The following DOCK3 variants were observed in gnomAD, a reference collection of about 807,000 sequenced individuals.
DOCK3 encodes the protein dedicator of cytokinesis protein 3.
Under a neutral mutation model 265.6 loss-of-function variants are expected in DOCK3, and 60 were observed. That is an observed-to-expected ratio of 0.23 (90% CI 0.18 to 0.28). The LOEUF (loss-of-function observed/expected upper bound fraction) is 0.28, where lower values mean the gene tolerates loss of function less well. Ranked by LOEUF, DOCK3 falls within the 10% of genes least tolerant of loss-of-function variation. DOCK3 has a pLI of 1.00. For synonymous variants in DOCK3, 881 were observed against 938.0 expected, an observed-to-expected ratio of 0.94 and a Z score of 1.11; for missense variants, 1,981 against 2,594.3, an observed-to-expected ratio of 0.76 and a Z score of 5.14.
At chr3:51,185,291 G>C (rs1446957380) in intron 12 of DOCK3, among the ~76,000 whole-genome samples, 1 of 152,134 alleles carries the variant, frequency 6.6e-6, no homozygotes, top group Non-Finnish European at 1.5e-5. Flanking sequence ...TTGGGTGCAG[G>C]ATATGTGGGA....
At chr3:51,319,416 C>T (rs77755628) in intron 32 of DOCK3, among the ~76,000 whole-genome samples, 23 of 147,528 alleles carry the variant, frequency 1.6e-4, no homozygotes, top group Non-Finnish European at 2.8e-4. Context: ...AAAAAAAACC[C>T]AGTTACCAAG....
chr3:51,234,112 G>C (rs887429419), intron 19 of DOCK3, among the ~76,000 whole-genome samples: 4 of 152,148 alleles, frequency 2.6e-5, no homozygotes, highest in African/African-American at 9.7e-5. Flanking sequence ...CTCATCAACA[G>C]TGCATAAGAA....
intron 13 of DOCK3, among the ~76,000 whole-genome samples, chr3:51,211,441 A>C (rs901153284): frequency 1.2e-4 from 18 of 152,008 alleles, no homozygotes; most frequent in Non-Finnish European, 1.2e-4. Context: ...ATATGTATAC[A>C]TGTGCCATGT....
At chr3:51,349,996 T>A (rs1021209853) in intron 39 of DOCK3, among the ~76,000 whole-genome samples, 1 of 152,074 alleles carries the variant, frequency 6.6e-6, no homozygotes. Context: ...TAAGCCCAGA[T>A]CTCTATAGGG....
At chr3:51,092,649 C>T (rs1405186021) in intron 9 of DOCK3, among the ~76,000 whole-genome samples, 2 of 151,644 alleles carry the variant, frequency 1.3e-5, no homozygotes, top group Admixed American at 6.6e-5. Context: ...CCTAGCACAG[C>T]GTTTGAGCTC....
chr3:50,811,529 G>C (rs2043755898), intron 2 of DOCK3, among the ~76,000 whole-genome samples: 1 of 152,166 alleles, frequency 6.6e-6, no homozygotes, highest in Non-Finnish European at 1.5e-5. Flanking sequence ...ATATCAGTTT[G>C]AGAAAACTGA....
chr3:51,044,718 G>T (rs2080690766), intron 5 of DOCK3, among the ~76,000 whole-genome samples: 1 of 152,016 alleles, frequency 6.6e-6, no homozygotes, highest in African/African-American at 2.4e-5. Context: ...TAGATCTTCT[G>T]AATAACTTGC....
At chr3:50,774,174 G>A (rs1239043623) in intron 1 of DOCK3, among the ~76,000 whole-genome samples, 1 of 151,816 alleles carries the variant, frequency 6.6e-6, no homozygotes, top group Non-Finnish European at 1.5e-5. Context: ...CAACTGAGAG[G>A]CTTGATATCA....
intron 3 of DOCK3, among the ~76,000 whole-genome samples, chr3:50,866,346 G>A (rs1255681634): frequency 1.3e-5 from 2 of 152,094 alleles, no homozygotes; most frequent in African/African-American, 4.8e-5. Flanking sequence ...TTAGCTGGGC[G>A]TGGTGGCATG....
intron 2 of DOCK3, among the ~76,000 whole-genome samples, chr3:50,782,511 C>T (rs1024326104): frequency 1.3e-5 from 2 of 151,406 alleles, no homozygotes; most frequent in African/African-American, 2.4e-5. Flanking sequence ...AGGATGGTCT[C>T]GATCTCCTGA....
intron 4 of DOCK3, among the ~76,000 whole-genome samples, chr3:50,932,551 A>G (rs2051127293): frequency 6.6e-6 from 1 of 152,212 alleles, no homozygotes; most frequent in Non-Finnish European, 1.5e-5. Flanking sequence ...CCGTGCTTTC[A>G]GTAACTTTTC....
chr3:50,894,469 G>A (rs933260553), intron 4 of DOCK3, among the ~76,000 whole-genome samples: 4 of 152,018 alleles, frequency 2.6e-5, no homozygotes, highest in African/African-American at 9.7e-5. Flanking sequence ...AATGCTGAAA[G>A]GAGTTCTTTA....
At position 51,221,377 on chromosome 3, in the gene DOCK3, G is replaced by T. The variant is rs552201134; in HGVS notation, c.1253-4272G>T. 9.2e-5 allele frequency among the ~76,000 whole-genome samples: 14 copies of T among 152,220 alleles called. No homozygotes were observed. The East Asian group carries it at 2.5e-3, about 27-fold the overall frequency. ...GGTATCAGTAAACTATAGCCTATGG[G>T]CCAAATCCAGCCAACAGCCTATTTT... is the stretch of plus-strand genomic sequence containing the variant. On this transcript the variant is annotated intron_variant, in intron 14 of 52. Coordinates refer to ENST00000266037, the MANE Select transcript of DOCK3 (RefSeq NM_004947.5).
intron 1 of DOCK3, among the ~76,000 whole-genome samples, chr3:50,682,082 T>C (rs2107671720): frequency 6.6e-6 from 1 of 152,356 alleles, no homozygotes; most frequent in Middle Eastern, 3.4e-3. Flanking sequence ...ATCATAGCTC[T>C]TCAGTAAGTC....
At chr3:50,767,932 A>G (rs1043633070) in intron 1 of DOCK3, among the ~76,000 whole-genome samples, 17 of 151,970 alleles carry the variant, frequency 1.1e-4, no homozygotes, top group African/African-American at 3.1e-4. Flanking sequence ...TTATTGGTGT[A>G]TAGGAATGCT....
intron 5 of DOCK3, among the ~76,000 whole-genome samples, chr3:51,030,096 A>G (rs1259605259): frequency 2.6e-5 from 4 of 152,164 alleles, no homozygotes. Flanking sequence ...TTGGAGGTCA[A>G]TGCCAGACAG....
intron 4 of DOCK3, among the ~76,000 whole-genome samples, chr3:50,929,121 T>C (rs1186560212): frequency 2.0e-5 from 3 of 152,148 alleles, no homozygotes; most frequent in Non-Finnish European, 4.4e-5. Flanking sequence ...TCGAACAGCA[T>C]TGTGTTATTT....
intron 12 of DOCK3, among the ~76,000 whole-genome samples, chr3:51,202,599 A>G (rs1212429707): frequency 1.3e-5 from 2 of 152,188 alleles, no homozygotes; most frequent in South Asian, 2.1e-4. Flanking sequence ...ACAAGGAGGA[A>G]CTGGTACCAT....
chr3:51,096,480 T>C (rs2082862495), intron 9 of DOCK3, among the ~76,000 whole-genome samples: 2 of 152,210 alleles, frequency 1.3e-5, no homozygotes, highest in Admixed American at 6.5e-5. Context: ...TGTGCTGTGT[T>C]TTTCTGCCCC....
Sources: allele counts gnomAD v4.1 joint callset (sites outside exome capture counted in the v4.1 genomes callset), GRCh38; gene constraint gnomAD v4.1.1; transcripts MANE v1.5; gene names NCBI Gene and HGNC (gene_info 2026-07-23, HGNC 2026-07-21).